The following KCNC1 variants were observed in gnomAD, a reference collection of about 807,000 sequenced individuals.
KCNC1 encodes voltage-gated potassium channel KCNC1.
A neutral mutation model predicts 43.4 loss-of-function variants in KCNC1; 8 were observed. The ratio of observed to expected loss-of-function variants is 0.18; its 90% CI spans 0.11 to 0.33. KCNC1 has a LOEUF of 0.33. Among genes scored for constraint, KCNC1 ranks in the 10% least tolerant of loss-of-function variants. KCNC1 has a pLI of 1.00. For synonymous variants in KCNC1, 361 were observed against 360.5 expected (o/e 1.00, Z -0.01); for missense variants, 420 against 836.0 (o/e 0.50, Z 6.14).
intron 1 of KCNC1, among the ~76,000 whole-genome samples, chr11:17,754,139 T>C (rs1193062060): frequency 6.6e-6 from 1 of 152,228 alleles, no homozygotes; most frequent in Non-Finnish European, 1.5e-5. Flanking sequence ...CTGCTGCCAG[T>C]GTAGACATGA....
intron 1 of KCNC1, among the ~76,000 whole-genome samples, chr11:17,754,992 G>A (rs1308263151): frequency 6.6e-6 from 1 of 152,156 alleles, no homozygotes; most frequent in African/African-American, 2.4e-5. Flanking sequence ...TCTGTGCTGG[G>A]GGGAACAGCA....
At chr11:17,768,596 G>A (rs1209876927) in intron 1 of KCNC1, among the ~76,000 whole-genome samples, 1 of 137,008 alleles carries the variant, frequency 7.3e-6, no homozygotes, top group Non-Finnish European at 1.6e-5. Flanking sequence ...GGAGTACAGT[G>A]GAGAATGGAT....
chr11:17,772,420 T>C lies in KCNC1; in HGVS notation c.1326T>C (p.Tyr442=), dbSNP rs760728034. The change falls in exon 2 of 4, where the codon TAT becomes TAC. Residue 442 remains tyrosine (Y), a synonymous_variant. Transcript: ENST00000265969. The part of the protein sequence containing the change: ...VPVIVNNFGM[Y]YSLAMAKQKL... The stretch of plus-strand genomic sequence containing the variant: ...TCATCGTGAACAATTTCGGGATGTA[T>C]TACTCCTTAGCCATGGCTAAGCAGA... 21 of 1,614,164 alleles carry C rather than the reference T, an allele frequency of 1.3e-5. No homozygotes were observed. In the East Asian group the frequency reaches 3.6e-4, roughly 27 times the overall value.
intron 1 of KCNC1, among the ~76,000 whole-genome samples, chr11:17,763,949 A>AC (rs763271635): frequency 9.0e-6 from 1 of 110,688 alleles, no homozygotes; most frequent in African/African-American, 3.7e-5. Context: ...ACACACACAC[A>AC]CCCACACACA....
intron 1 of KCNC1, among the ~76,000 whole-genome samples, chr11:17,746,416 C>T (rs1001750403): frequency 3.9e-5 from 6 of 152,360 alleles, no homozygotes; most frequent in African/African-American, 1.4e-4. Context: ...TGCACAAGTT[C>T]CTACGTCCCA....
Position 17,773,108 on chromosome 11 carries a change from G to A in KCNC1, c.1504+510G>A, listed in dbSNP as rs924815059. The A allele has an allele frequency of 4.0e-6, 4 of 992,032 alleles. No homozygotes were observed. Among genetic ancestry groups the A allele is most frequent in the Non-Finnish European group, 3.6e-6 (3 of 834,350 alleles). The allele number at this position is 992,032 out of a possible 1,614,324, so 61.5% of individuals were successfully genotyped here. On this transcript the variant is annotated intron_variant, in intron 2 of 3. Transcript: ENST00000265969. This position sits in a 1 kb window ranked among gnomAD's most constrained non-coding sequence, Gnocchi z 4.1. ...AGGAGGGTCCCTTGCAAAGGCAGGT[G>A]CAAGGGTTCTCACCCCCGGCAGAGC... is the stretch of plus-strand genomic sequence containing the variant.
intron 1 of KCNC1, among the ~76,000 whole-genome samples, chr11:17,756,396 C>T (rs1243592881): frequency 6.6e-6 from 1 of 152,096 alleles, no homozygotes; most frequent in Non-Finnish European, 1.5e-5. Flanking sequence ...ATACCCAGTA[C>T]CCTGTATAGG....
chr11:17,755,512 G>A (rs1247945576), intron 1 of KCNC1, among the ~76,000 whole-genome samples: 1 of 152,156 alleles, frequency 6.6e-6, no homozygotes, highest in Non-Finnish European at 1.5e-5. Flanking sequence ...CAGCAGTGAT[G>A]GGAAGGGCTC....
chr11:17,774,460 C>A (rs1312132648), intron 2 of KCNC1: 18 of 985,448 alleles, frequency 1.8e-5, no homozygotes, highest in Non-Finnish European at 2.0e-5. Flanking sequence ...GCTCTCCAGG[C>A]AGGCCCAGAT....
intron 2 of KCNC1, among the ~76,000 whole-genome samples, chr11:17,778,840 G>A (rs369530790): frequency 6.6e-6 from 1 of 150,580 alleles, no homozygotes; most frequent in African/African-American, 2.4e-5. Context: ...GTTGGGGTCG[G>A]GGGGGTACGG....
intron 2 of KCNC1, chr11:17,774,245 C>T: frequency 1.0e-6 from 1 of 985,504 alleles, no homozygotes; most frequent in Non-Finnish European, 1.2e-6. Flanking sequence ...TCAGGAGCTA[C>T]CAACAGGGCT....
At chr11:17,764,173 C>T (rs565903993) in intron 1 of KCNC1, among the ~76,000 whole-genome samples, 43 of 148,332 alleles carry the variant, frequency 2.9e-4, no homozygotes, top group African/African-American at 1.0e-3. Flanking sequence ...TATACACACA[C>T]ACAACACAAA....
rs957880896 is a variant in KCNC1 at position 17,781,878 on chromosome 11, C to T, written c.*144C>T. The T allele has an allele frequency of 4.0e-6, 2 of 504,606 alleles. No individual in the cohort carries two copies. The highest frequency in any genetic ancestry group is 3.8e-5 in the Admixed American group (1 of 26,466). The allele number at this position is 504,606 out of a possible 1,614,324, so 31.3% of individuals were successfully genotyped here. A position where few individuals can be genotyped will look rare whatever the true frequency, so the allele number is the denominator to read the frequency against. On this transcript the variant is annotated 3_prime_UTR_variant, in exon 4 of 4. Coordinates refer to ENST00000265969, the MANE Select transcript of KCNC1 (RefSeq NM_001112741.2). The surrounding 1 kb of genome is among the most constrained non-coding windows in gnomAD (Gnocchi z 5.1). Reference sequence around the variant, plus strand: ...GGCCCAGGCATTGTACTAGGACGGACGTAGCTTTTTCTACGGCCAAATGGT... The same window carrying T: ...GGCCCAGGCATTGTACTAGGACGGATGTAGCTTTTTCTACGGCCAAATGGT...
intron 1 of KCNC1, among the ~76,000 whole-genome samples, chr11:17,765,143 G>A (rs1849134299): frequency 6.6e-6 from 1 of 152,154 alleles, no homozygotes; most frequent in Non-Finnish European, 1.5e-5. Flanking sequence ...GGATGAAACT[G>A]AGGCCCAGAG....
chr11:17,754,667 A>G (rs1468960127), intron 1 of KCNC1, among the ~76,000 whole-genome samples: 1 of 152,084 alleles, frequency 6.6e-6, no homozygotes, highest in Admixed American at 6.5e-5. Context: ...TTCCCCTACT[A>G]GTTGGAGTGT....
At chr11:17,737,529 C>T (rs1053898759) in intron 1 of KCNC1, among the ~76,000 whole-genome samples, 6 of 152,076 alleles carry the variant, frequency 3.9e-5, no homozygotes, top group African/African-American at 1.2e-4. Flanking sequence ...GTTTCCTTAT[C>T]TGTAAAATGG....
Position 17,739,092 on chromosome 11 carries a change from C to T in KCNC1, c.570+2520C>T, listed in dbSNP as rs866454564. On this transcript the variant is annotated intron_variant, in intron 1 of 3. Coordinates refer to ENST00000265969, the MANE Select transcript of KCNC1 (RefSeq NM_001112741.2). The surrounding 1 kb of genome is among the most constrained non-coding windows in gnomAD (Gnocchi z 4.2). ...GCGGCTCATCTGCGCACAGACCAGCCGCCTGCCCGCCCTCCTCCCCCTCTG... is the reference window on the plus strand; with the variant it reads ...GCGGCTCATCTGCGCACAGACCAGCTGCCTGCCCGCCCTCCTCCCCCTCTG... 3.3e-5 allele frequency among the ~76,000 whole-genome samples: 5 copies of T among 152,208 alleles called. No individual in the cohort carries two copies. Among genetic ancestry groups the T allele is most frequent in the African/African-American group, 1.2e-4 (5 of 41,456 alleles).
intron 1 of KCNC1, among the ~76,000 whole-genome samples, chr11:17,751,487 C>A (rs548990419): frequency 6.6e-6 from 1 of 152,300 alleles, no homozygotes; most frequent in South Asian, 2.1e-4. Flanking sequence ...ACAGGATGAA[C>A]ACATCCTGGA....
In KCNC1 at chr11:17,777,385, T is replaced by C. The variant is rs1191508715; in HGVS notation, c.1505-2071T>C. On this transcript the variant is annotated intron_variant, in intron 2 of 3. Coordinates refer to ENST00000265969, the MANE Select transcript of KCNC1 (RefSeq NM_001112741.2). The surrounding 1 kb of genome is among the most constrained non-coding windows in gnomAD (Gnocchi z 4.3). The stretch of plus-strand genomic sequence containing the variant: ...GGAGACGCTGCCTGGGAGGACCCAC[T>C]GTTCTCCCCTTGAGGAAAATCCATG... 1 of 985,710 alleles carries C rather than the reference T, an allele frequency of 1.0e-6. No homozygotes were observed. Among genetic ancestry groups the C allele is most frequent in the Non-Finnish European group, 1.2e-6 (1 of 829,948 alleles). 61.1% of individuals were successfully genotyped at this position (985,710 alleles called of 1,614,324 possible).
Sources: gnomAD v4.1 joint callset for allele counts (sites outside exome capture counted in the v4.1 genomes callset) on GRCh38, gnomAD v4.1.1 for gene constraint, Gnocchi (gnomAD v3.1) non-coding constraint, MANE v1.5 for transcripts, NCBI Gene and HGNC (gene_info 2026-07-23, HGNC 2026-07-21) for gene names.